The following IGDCC3 variants were observed in gnomAD, a reference collection of about 807,000 sequenced individuals.
The protein encoded by IGDCC3 is immunoglobulin superfamily DCC subclass member 3.
Under a neutral mutation model 72.0 loss-of-function variants are expected in IGDCC3, and 47 were observed. The observed-to-expected ratio is 0.65, with a 90% CI of 0.52 to 0.83. IGDCC3 has a LOEUF of 0.83. Ranked by LOEUF, IGDCC3 falls within the 40% of genes least tolerant of loss-of-function variation. The pLI is 0.00. For synonymous variants in IGDCC3, 477 were observed against 472.8 expected, an observed-to-expected ratio of 1.01 and a Z score of -0.11; for missense variants, 1,038 against 1,091.3, an observed-to-expected ratio of 0.95 and a Z score of 0.69.
At chr15:65,343,686 G>A (rs769565481) in intron 2 of IGDCC3, among the ~76,000 whole-genome samples, 177 of 152,316 alleles carry the variant, frequency 1.2e-3, no homozygotes, top group Non-Finnish European at 2.0e-3. Context: ...TGGCCTCCAC[G>A]CAGACCCACC....
At chr15:65,335,736 C>A in intron 3 of IGDCC3, 76 bp downstream of exon 3, 1 of 1,553,864 alleles carries the variant, frequency 6.4e-7, no homozygotes, top group Non-Finnish European at 8.9e-7. Flanking sequence ...CCCAGAGCCG[C>A]GGGCCATCCT....
rs555727505 is a variant in IGDCC3 at position 65,334,208 on chromosome 15, T to C, written c.823+520A>G. 5.9e-5 allele frequency among the ~76,000 whole-genome samples: 9 copies of C among 151,752 alleles called. No homozygotes were observed. The East Asian group carries it at 1.6e-3, about 26-fold the overall frequency. ...CCGAGTGACCTTTCTGCTCAGACAA[T>C]GTGGGCCCATCTGCACCCTTTCATT... On this transcript the variant is annotated intron_variant, in intron 5 of 13. Transcript: ENST00000327987.
intron 2 of IGDCC3, among the ~76,000 whole-genome samples, chr15:65,359,516 C>T (rs1355254330): frequency 2.6e-5 from 4 of 152,136 alleles, no homozygotes; most frequent in African/African-American, 9.7e-5. Context: ...AGCCACCTCT[C>T]CTGGGATGGA....
chr15:65,332,242 A>C (rs2141033044), intron 6 of IGDCC3, 136 bp from the exon 7 acceptor site: 1 of 1,042,158 alleles, frequency 9.6e-7, no homozygotes, highest in East Asian at 2.7e-5. Flanking sequence ...CCCCCTGGAG[A>C]CTCCTCCAGG....
At chr15:65,345,579 C>CAT (rs71447843) in intron 2 of IGDCC3, among the ~76,000 whole-genome samples, 1 of 150,478 alleles carries the variant, frequency 6.6e-6, no homozygotes, top group Non-Finnish European at 1.5e-5. Context: ...CACACACACA[C>CAT]GCACACACAC....
At chr15:65,357,913 A>G (rs1189802895) in intron 2 of IGDCC3, among the ~76,000 whole-genome samples, 2 of 152,170 alleles carry the variant, frequency 1.3e-5, no homozygotes, top group Non-Finnish European at 2.9e-5. Context: ...ACTCCAAAAC[A>G]AAACAAAACA....
chr15:65,333,454 T>C (rs755913401), intron 5 of IGDCC3, 39 bp from the exon 6 acceptor site: 16 of 1,545,532 alleles, frequency 1.0e-5, no homozygotes, highest in East Asian at 4.7e-5. Flanking sequence ...GAGGGTCAGA[T>C]AGAGATATGG....
chr15:65,342,422 C>A (rs945760665), intron 2 of IGDCC3, among the ~76,000 whole-genome samples: 5 of 151,816 alleles, frequency 3.3e-5, no homozygotes, highest in African/African-American at 4.8e-5. Context: ...ATACAATTAA[C>A]AAATTTAGTT....
rs530318672 is a variant in IGDCC3 at position 65,330,975 on chromosome 15, C to T, written c.1561+75G>A. 7.7e-4 allele frequency: 1,179 copies of T among 1,533,962 alleles called. 1 individual carries two copies. Among genetic ancestry groups the T allele is most frequent in the Middle Eastern group, 1.7e-3 (10 of 5,760 alleles). ...CACCCTGCACAGCGCACAACCAGAA[C>T]AAGTGTGCATGGTGGTTCTGCTCTG... On this transcript the variant is annotated intron_variant, in intron 9 of 13. Transcript: ENST00000327987.
chr15:65,352,919 G>C (rs1454592675), intron 2 of IGDCC3, among the ~76,000 whole-genome samples: 2 of 152,116 alleles, frequency 1.3e-5, no homozygotes, highest in Non-Finnish European at 2.9e-5. Context: ...TGCAATTTAG[G>C]CTAACTCTGC....
In IGDCC3 at chr15:65,331,443, G is replaced by A. The variant is rs139714581; in HGVS notation, c.1365C>T (p.Ile455=). ...CCTTCCTGATGTGCAGGACGTAGCCGATGATCTCCTTGGTGTTGGCCAGCG... is the reference window on the plus strand; with the variant it reads ...CCTTCCTGATGTGCAGGACGTAGCCAATGATCTCCTTGGTGTTGGCCAGCG... ...SEPLANTKEI[I]GYVLHIRKAA... is the part of the protein sequence containing the mutation. Residue 455 remains isoleucine, a synonymous_variant, in exon 8 of 14, where the codon ATC becomes ATT. Transcript: ENST00000327987. 4.7e-5 allele frequency: 75 copies of A among 1,611,382 alleles called. No individual in the cohort carries two copies. The African/African-American group carries it at 6.4e-4, about 14-fold the overall frequency.
rs2091363820 is a variant in IGDCC3, at chr15:65,377,166, T to C, written c.103+520A>G. 6.6e-6 allele frequency among the ~76,000 whole-genome samples: 1 copy of C among 152,048 alleles called. No homozygotes were observed. Among genetic ancestry groups the C allele is most frequent in the Admixed American group, 6.6e-5 (1 of 15,264 alleles). On this transcript the variant is annotated intron_variant, in intron 1 of 13. Transcript: ENST00000327987. This position sits in a 1 kb window ranked among gnomAD's most constrained non-coding sequence, Gnocchi z 4.9. ...TCCAGGAATCTCCCTCGTCTTCTCC[T>C]GTCTCTCCCGCGCACTCCTCAGCCC...
intron 2 of IGDCC3, among the ~76,000 whole-genome samples, chr15:65,350,054 G>A (rs895088399): frequency 1.1e-4 from 16 of 152,314 alleles, no homozygotes; most frequent in Middle Eastern, 3.4e-3. Flanking sequence ...TTTTGGTAAA[G>A]ATCAGAAGCT....
In IGDCC3 at chr15:65,377,146, G is replaced by C. The variant is rs577222731; in HGVS notation, c.103+540C>G. Among the ~76,000 whole-genome samples, 6 of 152,180 alleles carry C rather than the reference G, an allele frequency of 3.9e-5. No individual in the cohort carries two copies. Among genetic ancestry groups the C allele is most frequent in the Admixed American group, 3.9e-4 (6 of 15,288 alleles). On this transcript the variant is annotated intron_variant, in intron 1 of 13. Coordinates refer to ENST00000327987, the MANE Select transcript of IGDCC3 (RefSeq NM_004884.4). The surrounding 1 kb of genome is among the most constrained non-coding windows in gnomAD (Gnocchi z 4.9). ...TCCCTAGCCACGCGCCGCCCTCCAG[G>C]AATCTCCCTCGTCTTCTCCTGTCTC...
intron 2 of IGDCC3, among the ~76,000 whole-genome samples, chr15:65,344,383 T>C (rs1022200188): frequency 1.9e-4 from 29 of 151,950 alleles, no homozygotes; most frequent in African/African-American, 6.8e-4. Flanking sequence ...CCCTCCCTAC[T>C]CTCTCCCTCA....
In IGDCC3 at chr15:65,331,176, T is replaced by C; in HGVS notation, c.1435A>G (p.Ser479Gly). 2 of 1,614,046 alleles carry C rather than the reference T, an allele frequency of 1.2e-6. No individual in the cohort carries two copies. Among genetic ancestry groups the C allele is most frequent in the Non-Finnish European group, 1.7e-6 (2 of 1,179,994 alleles). Residue 479 changes from serine (S) to glycine (G), a missense_variant, in exon 9 of 14, where the codon AGC becomes GGC. Ser to Gly is a moderately conservative substitution (Grantham distance 56). Coordinates refer to ENST00000327987, the MANE Select transcript of IGDCC3 (RefSeq NM_004884.4). Reference protein sequence around the residue: ...ELEYQEAVSKSTFQHLVSDLE... With the variant: ...ELEYQEAVSKGTFQHLVSDLE... ...TCGCTGACCAGGTGCTGAAAGGTGCTCTTGCTGACTGCCTCCTGATACTCC... is the reference window on the plus strand; with the variant it reads ...TCGCTGACCAGGTGCTGAAAGGTGCCCTTGCTGACTGCCTCCTGATACTCC...
chr15:65,364,199 G>A (rs1221941909), intron 2 of IGDCC3, among the ~76,000 whole-genome samples: 2 of 152,164 alleles, frequency 1.3e-5, no homozygotes, highest in Non-Finnish European at 2.9e-5. Context: ...AGACATTCAG[G>A]CCAGTGAATT....
chr15:65,329,673 A>G lies in IGDCC3; in HGVS notation c.1997+53T>C. 1.2e-6 allele frequency: 2 copies of G among 1,612,314 alleles called. No homozygotes were observed. Among genetic ancestry groups the G allele is most frequent in the Non-Finnish European group, 1.7e-6 (2 of 1,178,664 alleles). On this transcript the variant is annotated intron_variant, in intron 12 of 13. Coordinates refer to ENST00000327987, the MANE Select transcript of IGDCC3 (RefSeq NM_004884.4). The surrounding 1 kb of genome is among the most constrained non-coding windows in gnomAD (Gnocchi z 4.1). ...CAGTGAGCCCACACTCACCTTCTCT[A>G]GGCCTAGTCCCCCACACACCAGCCC... is the stretch of plus-strand genomic sequence containing the variant.
chr15:65,354,614 C>G (rs1423193211), intron 2 of IGDCC3, among the ~76,000 whole-genome samples: 1 of 152,202 alleles, frequency 6.6e-6, no homozygotes, highest in East Asian at 1.9e-4. Flanking sequence ...ACATTTATCT[C>G]TCTACCTCCA....
Sources: gnomAD v4.1 joint callset for allele counts (sites outside exome capture counted in the v4.1 genomes callset) on GRCh38, gnomAD v4.1.1 for gene constraint, Gnocchi (gnomAD v3.1) non-coding constraint, MANE v1.5 for transcripts, NCBI Gene and HGNC (gene_info 2026-07-23, HGNC 2026-07-21) for gene names.